Variants in FRMPD3 observed in about 807,000 individuals in gnomAD.
The protein encoded by FRMPD3 is FERM and PDZ domain containing 3, also known as FERM and PDZ domain-containing protein 3.
In FRMPD3, 42 loss-of-function variants were observed where a neutral mutation model predicts 97.9. That is an observed-to-expected ratio of 0.43 (90% CI 0.34 to 0.55). FRMPD3 has a LOEUF of 0.55. Among genes scored for constraint, FRMPD3 ranks in the 20% least tolerant of loss-of-function variants. FRMPD3 has a pLI of 0.03. For synonymous variants in FRMPD3, 577 were observed against 581.1 expected, an observed-to-expected ratio of 0.99 and a Z score of 0.10; for missense variants, 1,303 against 1,457.7, an observed-to-expected ratio of 0.89 and a Z score of 1.73.
chrX:107,545,081 AAAATAAAT>A (rs1330848052), intron 4 of FRMPD3: 1 of 111,925 alleles, frequency 8.9e-6, no homozygotes, highest in East Asian at 2.8e-4. Flanking sequence ...ACTCCGTCTA[AAAATAAAT>A]AAATAAATAC....
At chrX:107,450,704 C>A (rs1931272704) in intron 1 of FRMPD3, among the ~76,000 whole-genome samples, 1 of 110,032 alleles carries the variant, frequency 9.1e-6, no homozygotes, top group African/African-American at 3.3e-5. Flanking sequence ...CCTAGCGCTG[C>A]TAAAACATGC....
At chrX:107,598,520 G>A (rs191468005) in intron 14 of FRMPD3, among the ~76,000 whole-genome samples, 1 of 111,612 alleles carries the variant, frequency 9.0e-6, no homozygotes, top group East Asian at 2.8e-4. Flanking sequence ...AAAGGAAAAC[G>A]ACCAACTCAC....
chrX:107,518,512 T>C (rs920845411), intron 1 of FRMPD3, among the ~76,000 whole-genome samples: 1 of 110,859 alleles, frequency 9.0e-6, no homozygotes, highest in African/African-American at 3.3e-5. Context: ...AATAATGATA[T>C]CAAGAGTTGG....
chrX:107,467,960 C>A (rs946776565), intron 1 of FRMPD3, among the ~76,000 whole-genome samples: 14 of 111,835 alleles, frequency 1.3e-4, no homozygotes, highest in African/African-American at 4.2e-4. Context: ...CTTTTGACTT[C>A]TTTGTGGCTT....
At chrX:107,489,763 T>A (rs1331326917) in intron 1 of FRMPD3, among the ~76,000 whole-genome samples, 5 of 111,966 alleles carry the variant, frequency 4.5e-5, no homozygotes, top group Non-Finnish European at 7.5e-5. Context: ...GTAGGTTGCA[T>A]AAATTTTCTC....
At chrX:107,527,792 AT>A (rs1407900026) in intron 2 of FRMPD3, among the ~76,000 whole-genome samples, 2 of 111,638 alleles carry the variant, frequency 1.8e-5, no homozygotes, top group Non-Finnish European at 3.8e-5. Flanking sequence ...AAAGAAAAAG[AT>A]TTTTGTAAGC....
At chrX:107,458,276 C>T (rs182042635) in intron 1 of FRMPD3, among the ~76,000 whole-genome samples, 148 of 111,850 alleles carry the variant, frequency 1.3e-3, no homozygotes, top group Non-Finnish European at 2.3e-3. Context: ...TCTGGAAATC[C>T]GTAATTTAAC....
intron 1 of FRMPD3, among the ~76,000 whole-genome samples, chrX:107,461,032 T>G (rs193000652): frequency 8.9e-6 from 1 of 111,983 alleles, no homozygotes; most frequent in Admixed American, 9.5e-5. Context: ...GTCCGTCACC[T>G]GCAAAGTCCA....
rs1195223446 is a variant in FRMPD3, at chrX:107,597,435, C to T, written c.1556C>T (p.Pro519Leu). The change falls in exon 14 of 15, where the codon CCA (proline) becomes CTA (leucine). Residue 519 changes from proline (P) to leucine (L), a missense_variant. Transcript: ENST00000683843. Reference sequence around the variant, plus strand: ...AGGAAATCGAGCCGCTGCACGCCCCCACCTGCCGACTCTGAGCTTGTCAGC... The same window carrying T: ...AGGAAATCGAGCCGCTGCACGCCCCTACCTGCCGACTCTGAGCTTGTCAGC... ...SPRKSSRCTP[P>L]PADSELVSFC... 1 of 1,209,214 alleles carries T rather than the reference C, an allele frequency of 8.3e-7. No homozygotes were observed. The highest frequency in any genetic ancestry group is 1.7e-5 in the African/African-American group (1 of 57,249).
chrX:107,591,888 C>T (rs1392893443), intron 13 of FRMPD3, among the ~76,000 whole-genome samples: 3 of 111,845 alleles, frequency 2.7e-5, no homozygotes, highest in Admixed American at 1.9e-4. Flanking sequence ...AGCATTTATC[C>T]TTTCTTTGTG....
chrX:107,452,158 C>T (rs1931302421), intron 1 of FRMPD3, among the ~76,000 whole-genome samples: 1 of 111,819 alleles, frequency 8.9e-6, no homozygotes, highest in African/African-American at 3.3e-5. Flanking sequence ...TGTGGCAGGA[C>T]TCAGGCAGGA....
intron 1 of FRMPD3, among the ~76,000 whole-genome samples, chrX:107,490,480 T>C (rs1921630975): frequency 3.6e-5 from 4 of 112,147 alleles, no homozygotes. Context: ...CATGGAATGT[T>C]CTTCCATTTG....
intron 14 of FRMPD3, among the ~76,000 whole-genome samples, chrX:107,599,597 C>T (rs1924393408): frequency 8.9e-6 from 1 of 112,242 alleles, no homozygotes; most frequent in Non-Finnish European, 1.9e-5. Context: ...AGAGACCTCT[C>T]TTTGCCAGCC....
chrX:107,544,523 A>C (rs1037973383), intron 4 of FRMPD3: 1 of 111,340 alleles, frequency 9.0e-6, no homozygotes, highest in East Asian at 2.8e-4. Context: ...CCATGAGGCC[A>C]GGGAGTTTTG....
At chrX:107,450,235 C>A (rs1350213824) in intron 1 of FRMPD3, among the ~76,000 whole-genome samples, 1 of 111,235 alleles carries the variant, frequency 9.0e-6, no homozygotes, top group Non-Finnish European at 1.9e-5. Flanking sequence ...TCTGGCTTGG[C>A]GGGCTCGTTT....
chrX:107,529,803 T>A (rs139704854), intron 2 of FRMPD3, among the ~76,000 whole-genome samples: 1,855 of 111,527 alleles, frequency 0.017, 27 homozygotes, highest in South Asian at 0.16. Context: ...AGTAAGAAGA[T>A]CCTTCCTCGT....
chrX:107,466,085 C>A (rs1238193737), intron 1 of FRMPD3, among the ~76,000 whole-genome samples: 4 of 112,283 alleles, frequency 3.6e-5, no homozygotes, highest in Non-Finnish European at 7.5e-5. Flanking sequence ...TCAAATACAC[C>A]TTATTAACAG....
At chrX:107,493,177 CAAAA>C (rs60695168) in intron 1 of FRMPD3, among the ~76,000 whole-genome samples, 1 of 51,720 alleles carries the variant, frequency 1.9e-5, no homozygotes, top group Non-Finnish European at 3.1e-5. Flanking sequence ...GAGACCCTGT[CAAAA>C]AAAAAAAAAA....
chrX:107,480,759 G>T (rs1921323341), intron 1 of FRMPD3, among the ~76,000 whole-genome samples: 1 of 104,236 alleles, frequency 9.6e-6, no homozygotes, highest in Non-Finnish European at 2.0e-5. Flanking sequence ...AACCCGGGGG[G>T]CGGAGGTTGC....
Sources: allele counts gnomAD v4.1 joint callset (sites outside exome capture counted in the v4.1 genomes callset), GRCh38; gene constraint gnomAD v4.1.1; transcripts MANE v1.5; gene names NCBI Gene and HGNC (gene_info 2026-07-23, HGNC 2026-07-21).